TTC6: variants seen among roughly 807,000 people sequenced by gnomAD.
TTC6 encodes the protein tetratricopeptide repeat domain 6.
A neutral mutation model predicts 210.4 loss-of-function variants in TTC6; 172 were observed. The ratio of observed to expected loss-of-function variants is 0.82; its 90% CI spans 0.72 to 0.93. The LOEUF (loss-of-function observed/expected upper bound fraction) is 0.93, where lower values mean the gene tolerates loss of function less well. Among genes scored for constraint, TTC6 ranks in the 40% least tolerant of loss-of-function variants. TTC6 has a pLI of 0.00. For missense variants in TTC6, 2,414 were observed against 2,318.1 expected (o/e 1.04, Z -0.85); for synonymous variants, 804 against 819.6 (o/e 0.98, Z 0.32).
At chr14:37,633,643 G>A (rs1034180807) in intron 1 of TTC6, among the ~76,000 whole-genome samples, 2 of 152,220 alleles carry the variant, frequency 1.3e-5, no homozygotes, top group Non-Finnish European at 2.9e-5. Flanking sequence ...TCAACGGGCT[G>A]TTACAAGTTC....
intron 1 of TTC6, among the ~76,000 whole-genome samples, chr14:37,657,128 C>T (rs1447719876): frequency 6.9e-6 from 1 of 144,410 alleles, no homozygotes; most frequent in Non-Finnish European, 1.5e-5. Context: ...AGGAGAACCG[C>T]TTGAATCCGG....
At chr14:37,735,821 G>T in intron 7 of TTC6, 100 bp from the exon 10 acceptor site, 2 of 625,896 alleles carry the variant, frequency 3.2e-6, no homozygotes, top group Admixed American at 3.4e-5. Context: ...TTTCTCTTTG[G>T]TTCTTTTGTT....
intron 14 of TTC6, among the ~76,000 whole-genome samples, chr14:37,777,612 T>C (rs986727531): frequency 1.3e-5 from 2 of 152,156 alleles, no homozygotes; most frequent in African/African-American, 4.8e-5. Flanking sequence ...ATTTCAGCCA[T>C]TTCAGCCTGG....
intron 1 of TTC6, among the ~76,000 whole-genome samples, chr14:37,646,820 G>T (rs1011715917): frequency 1.3e-5 from 2 of 152,052 alleles, no homozygotes; most frequent in South Asian, 2.1e-4. Flanking sequence ...TAAACTATTC[G>T]CATAGTTGCT....
At chr14:37,668,679 C>T (rs534121668) in intron 1 of TTC6, among the ~76,000 whole-genome samples, 1 of 152,246 alleles carries the variant, frequency 6.6e-6, no homozygotes, top group Admixed American at 6.5e-5. Context: ...ATAAACTTTG[C>T]CTCTTGATGG....
At chr14:37,795,373 T>C in intron 18 of TTC6, 21 bp downstream of exon 20, 1 of 1,463,360 alleles carries the variant, frequency 6.8e-7, no homozygotes, top group South Asian at 1.3e-5. Flanking sequence ...AGAAACTGAA[T>C]TCTTCTTGGG....
chr14:37,610,671 G>A (rs749212214), intron 2 of TTC6, among the ~76,000 whole-genome samples: 39 of 152,160 alleles, frequency 2.6e-4, no homozygotes, highest in Non-Finnish European at 4.9e-4. Context: ...CCCGACTGCC[G>A]TAGTACTGCC....
intron 14 of TTC6, among the ~76,000 whole-genome samples, chr14:37,766,795 CT>C (rs1336967268): frequency 1.1e-4 from 17 of 151,962 alleles, no homozygotes; most frequent in South Asian, 4.2e-4. Flanking sequence ...AAACTACTTT[CT>C]TTTTTTTATT....
intron 14 of TTC6, among the ~76,000 whole-genome samples, chr14:37,778,518 G>A (rs956110216): frequency 1.1e-4 from 16 of 152,148 alleles, no homozygotes; most frequent in Non-Finnish European, 8.8e-5. Flanking sequence ...ATGCAATTGC[G>A]CATCATTGAG....
At chr14:37,749,213 C>T (rs746393266) in exon 11 of TTC6, 2 of 1,530,836 alleles carry the variant, frequency 1.3e-6, no homozygotes. Context: ...ACCACCAAAA[C>T]TAAAATTAAA....
chr14:37,730,345 G>A (rs1342240448), intron 7 of TTC6, among the ~76,000 whole-genome samples: 1 of 151,802 alleles, frequency 6.6e-6, no homozygotes, highest in African/African-American at 2.4e-5. Flanking sequence ...CATTTTCATG[G>A]TTATTTAAAA....
At chr14:37,739,182 T>A in intron 10 of TTC6, 27 bp downstream of exon 12, 1 of 1,463,856 alleles carries the variant, frequency 6.8e-7, no homozygotes, top group East Asian at 2.5e-5. Context: ...TTTCTTATAG[T>A]TTAAGAAATA....
At chr14:37,722,756 G>A (rs2095864305) in intron 6 of TTC6, among the ~76,000 whole-genome samples, 1 of 152,142 alleles carries the variant, frequency 6.6e-6, no homozygotes, top group African/African-American at 2.4e-5. Flanking sequence ...TATTAATGTT[G>A]ATGTTAACCT....
chr14:37,771,653 A>T (rs1055660541), intron 14 of TTC6, among the ~76,000 whole-genome samples: 3 of 152,072 alleles, frequency 2.0e-5, no homozygotes, highest in African/African-American at 4.8e-5. Flanking sequence ...TTTCAGCTCC[A>T]TCAGCTCCTT....
intron 1 of TTC6, among the ~76,000 whole-genome samples, chr14:37,648,993 C>T (rs757447216): frequency 6.6e-6 from 1 of 151,920 alleles, no homozygotes; most frequent in Non-Finnish European, 1.5e-5. Flanking sequence ...ATTTGGAGAT[C>T]CACACCTCCC....
intron 3 of TTC6, among the ~76,000 whole-genome samples, chr14:37,691,753 A>G (rs1160687543): frequency 6.6e-6 from 1 of 152,154 alleles, no homozygotes; most frequent in African/African-American, 2.4e-5. Flanking sequence ...GAGATAAGAA[A>G]GTTGGTTTTT....
intron 14 of TTC6, among the ~76,000 whole-genome samples, chr14:37,761,294 C>T (rs2095983781): frequency 6.6e-6 from 1 of 151,826 alleles, no homozygotes; most frequent in Non-Finnish European, 1.5e-5. Context: ...GGCAACACCC[C>T]ACCCTGCTTC....
chr14:37,678,194 A>G (rs1180842257), intron 1 of TTC6, among the ~76,000 whole-genome samples: 1 of 152,062 alleles, frequency 6.6e-6, no homozygotes, highest in Admixed American at 6.6e-5. Context: ...TTTTTTCAAG[A>G]ATTATTTTAA....
exon 29 of TTC6, chr14:37,827,311 C>G: frequency 6.2e-7 from 1 of 1,613,204 alleles, no homozygotes; most frequent in Non-Finnish European, 8.5e-7. Flanking sequence ...CCCAAGTACT[C>G]GCTGGCTTAC....
Sources: allele counts gnomAD v4.1 joint callset (sites outside exome capture counted in the v4.1 genomes callset), GRCh38; gene constraint gnomAD v4.1.1; transcripts MANE v1.5; gene names NCBI Gene and HGNC (gene_info 2026-07-23, HGNC 2026-07-21).